The following ITPRID1 variants were observed in gnomAD, a reference collection of about 807,000 sequenced individuals.
ITPRID1 encodes the protein ITPR interacting domain containing 1.
Under a neutral mutation model 95.4 loss-of-function variants are expected in ITPRID1, and 96 were observed. The ratio of observed to expected loss-of-function variants is 1.01; its 90% confidence interval spans 0.85 to 1.19. ITPRID1 has a LOEUF of 1.19. Among genes scored for constraint, ITPRID1 ranks in the 50% most tolerant of loss-of-function variants. ITPRID1 has a pLI of 0.00. For synonymous variants in ITPRID1, 510 were observed against 453.6 expected (o/e 1.12, Z -1.58); for missense variants, 1,339 against 1,252.9 (o/e 1.07, Z -1.04).
intron 2 of ITPRID1, among the ~76,000 whole-genome samples, chr7:31,551,246 G>A (rs1562563107): frequency 7.0e-6 from 1 of 143,614 alleles, no homozygotes; most frequent in Admixed American, 7.0e-5. Flanking sequence ...ACAAGATAAA[G>A]GCACTGCTGA....
At chr7:31,578,733 T>G (rs1785289872) in intron 9 of ITPRID1, among the ~76,000 whole-genome samples, 1 of 152,208 alleles carries the variant, frequency 6.6e-6, no homozygotes, top group South Asian at 2.1e-4. Context: ...TGTATGCTTT[T>G]TATCTATTCT....
At chr7:31,618,643 A>G (rs540613000) in intron 10 of ITPRID1, among the ~76,000 whole-genome samples, 46 of 152,286 alleles carry the variant, frequency 3.0e-4, no homozygotes, top group African/African-American at 4.3e-4. Flanking sequence ...TGGGGTCACA[A>G]TGTAGAAACC....
At chr7:31,538,724 A>T (rs1205678559) in intron 1 of ITPRID1, among the ~76,000 whole-genome samples, 1 of 152,222 alleles carries the variant, frequency 6.6e-6, no homozygotes, top group Admixed American at 6.5e-5. Context: ...AGTGTGTCAT[A>T]TCAGGAGGAA....
chr7:31,648,884 T>G (rs576197990), intron 12 of ITPRID1, among the ~76,000 whole-genome samples: 11 of 152,336 alleles, frequency 7.2e-5, no homozygotes, highest in Non-Finnish European at 1.2e-4. Context: ...GTTCGAAATC[T>G]TACTGCCATT....
intron 12 of ITPRID1, among the ~76,000 whole-genome samples, chr7:31,645,306 A>G (rs1437335271): frequency 6.6e-6 from 1 of 152,212 alleles, no homozygotes; most frequent in Non-Finnish European, 1.5e-5. Flanking sequence ...CATTACATAA[A>G]TGTGATGTAA....
At position 31,583,033 on chromosome 7, in the gene ITPRID1, T is replaced by C. The variant is rs902205198; in HGVS notation, c.1171-101T>C. 6 of 754,702 alleles carry C rather than the reference T, an allele frequency of 8.0e-6. No individual in the cohort carries two copies. In the African/African-American group the frequency reaches 8.7e-5, roughly 11 times the overall value. The allele number at this position is 754,702 out of a possible 1,614,324, so 46.8% of individuals were successfully genotyped here. On this transcript the variant is annotated intron_variant, in intron 9 of 14. Transcript: ENST00000615280. ...GTTATTTGAGTTCAGGAACTCATGT[T>C]TATCCCTCTTATCAGTTGCCAGTCT...
chr7:31,571,588 T>G (rs1204067392), intron 6 of ITPRID1, among the ~76,000 whole-genome samples: 1 of 152,228 alleles, frequency 6.6e-6, no homozygotes, highest in South Asian at 2.1e-4. Context: ...GATAGTGATG[T>G]TCATTTTTTC....
chr7:31,560,912 C>G (rs1014883458), intron 5 of ITPRID1, among the ~76,000 whole-genome samples: 1 of 151,844 alleles, frequency 6.6e-6, no homozygotes, highest in Non-Finnish European at 1.5e-5. Context: ...GAAGACCACA[C>G]AAGTAAATGC....
chr7:31,620,355 C>T (rs2128175935), intron 10 of ITPRID1, among the ~76,000 whole-genome samples: 1 of 152,046 alleles, frequency 6.6e-6, no homozygotes, highest in East Asian at 1.9e-4. Context: ...CTGGGAGGCA[C>T]CCCCCAGTAG....
intron 1 of ITPRID1, among the ~76,000 whole-genome samples, chr7:31,525,577 G>A (rs570966765): frequency 1.3e-5 from 2 of 152,204 alleles, no homozygotes; most frequent in East Asian, 1.9e-4. Context: ...AGTAGAGGCA[G>A]CATTTGATTT....
intron 10 of ITPRID1, among the ~76,000 whole-genome samples, chr7:31,625,443 TA>T (rs1269112922): frequency 1.3e-5 from 2 of 152,174 alleles, no homozygotes; most frequent in East Asian, 3.9e-4. Flanking sequence ...TATGCAGCCA[TA>T]AAAAATGATG....
intron 10 of ITPRID1, among the ~76,000 whole-genome samples, chr7:31,602,957 A>C (rs1315503617): frequency 6.8e-6 from 1 of 146,788 alleles, no homozygotes; most frequent in African/African-American, 2.5e-5. Context: ...TCTGTCAAGC[A>C]CAAACCTGTT....
At chr7:31,614,137 T>G (rs1020247104) in intron 10 of ITPRID1, among the ~76,000 whole-genome samples, 1 of 152,174 alleles carries the variant, frequency 6.6e-6, no homozygotes, top group African/African-American at 2.4e-5. Flanking sequence ...ACCCCAGATA[T>G]TACGGAGTCT....
chr7:31,616,133 T>TGCAAAAATATAAATTATTGG (rs1442127467), intron 10 of ITPRID1, among the ~76,000 whole-genome samples: 2 of 152,200 alleles, frequency 1.3e-5, no homozygotes, highest in African/African-American at 4.8e-5. Context: ...CTACTGTACA[T>TGCAAAAATATAAATTATTGG]GCAAAAATAT....
rs527461356 is a variant in ITPRID1 at position 31,599,585 on chromosome 7, TTTTCTTTCTTTCTTTCTTTCTTTCTTTC to T, written c.1228+16430_1228+16457del. On this transcript the variant is annotated intron_variant, in intron 10 of 14. Coordinates refer to ENST00000615280, the MANE Select transcript of ITPRID1 (RefSeq NM_001257967.3). ...TGAAGAATATGTATTTGTTGTGTTATTTTCTTTCTTTCTTTCTTTCTTTCTTTCTTTCTTTCTTTCTTTCTTTCTTTCT... is the reference window on the plus strand; with the variant it reads ...TGAAGAATATGTATTTGTTGTGTTATTTTCTTTCTTTCTTTCTTTCTTTCT... Among the ~76,000 whole-genome samples, 298 of 112,914 alleles carry T rather than the reference TTTTCTTTCTTTCTTTCTTTCTTTCTTTC, an allele frequency of 2.6e-3. 11 individuals are homozygous for T. Among genetic ancestry groups the T allele is most frequent in the South Asian group, 0.011 (34 of 3,046 alleles). The allele number at this position is 112,914 out of a possible 152,430, so 74.1% of individuals were successfully genotyped here. A position where few individuals can be genotyped will look rare whatever the true frequency, so the allele number is the denominator to read the frequency against.
intron 1 of ITPRID1, among the ~76,000 whole-genome samples, chr7:31,547,970 G>A (rs1036787843): frequency 4.6e-5 from 7 of 152,120 alleles, no homozygotes; most frequent in African/African-American, 1.4e-4. Flanking sequence ...TAAGGTAGGA[G>A]TTGGAGAGGG....
intron 12 of ITPRID1, among the ~76,000 whole-genome samples, 155 bp downstream of exon 12, chr7:31,644,108 T>C (rs1288565677): frequency 6.6e-6 from 1 of 152,242 alleles, no homozygotes; most frequent in African/African-American, 2.4e-5. Context: ...TTATTGTTTA[T>C]GATATAGTAT....
At chr7:31,562,265 A>G (rs1784651317) in intron 5 of ITPRID1, among the ~76,000 whole-genome samples, 2 of 152,174 alleles carry the variant, frequency 1.3e-5, no homozygotes, top group East Asian at 3.9e-4. Context: ...AGGTTTATAT[A>G]ATTAGCACTT....
chr7:31,535,484 ATATATT>A (rs919905635), intron 1 of ITPRID1, among the ~76,000 whole-genome samples: 2 of 151,960 alleles, frequency 1.3e-5, no homozygotes, highest in Non-Finnish European at 2.9e-5. Context: ...ATAGATGTAT[ATATATT>A]TGTATATATG....
Sources: gnomAD v4.1 joint callset for allele counts (sites outside exome capture counted in the v4.1 genomes callset) on GRCh38, gnomAD v4.1.1 for gene constraint, MANE v1.5 for transcripts, NCBI Gene and HGNC (gene_info 2026-07-23, HGNC 2026-07-21) for gene names.